Variants in TAS2R1 observed in about 807,000 individuals in gnomAD.
The protein encoded by TAS2R1 is taste receptor type 2 member 1.
For missense variants in TAS2R1, 370 were observed against 353.4 expected, an observed-to-expected ratio of 1.05 and a Z score of -0.38; for synonymous variants, 141 against 134.2, an observed-to-expected ratio of 1.05 and a Z score of -0.35.
chr5:9,879,632 T>C, the TAS2R1 span, among the ~76,000 whole-genome samples: 1 of 152,212 alleles, frequency 6.6e-6, no homozygotes, highest in South Asian at 2.1e-4. Context: ...TTAATTTTTA[T>C]AATAACCCCC....
At chr5:9,808,506 T>C in the TAS2R1 span, among the ~76,000 whole-genome samples, 3 of 152,164 alleles carry the variant, frequency 2.0e-5, no homozygotes, top group Non-Finnish European at 4.4e-5. Flanking sequence ...CCTATCCATA[T>C]TTTTAAAAAA....
intron 2 of TAS2R1, among the ~76,000 whole-genome samples, chr5:9,657,016 CAT>C (rs1048838145): frequency 9.2e-5 from 14 of 151,964 alleles, no homozygotes; most frequent in African/African-American, 2.9e-4. Context: ...GATATAAAAA[CAT>C]ATTCACAATA....
the TAS2R1 span, among the ~76,000 whole-genome samples, chr5:9,758,200 T>C: frequency 6.6e-6 from 1 of 152,174 alleles, no homozygotes; most frequent in Admixed American, 6.5e-5. Flanking sequence ...TTCATCTCTA[T>C]AAGTAATTAG....
intron 1 of TAS2R1, among the ~76,000 whole-genome samples, chr5:9,671,090 A>G (rs1362823529): frequency 1.3e-5 from 2 of 152,228 alleles, no homozygotes; most frequent in African/African-American, 4.8e-5. Context: ...AAAATTCAGC[A>G]TCACTTCATG....
At chr5:9,795,279 G>A in the TAS2R1 span, among the ~76,000 whole-genome samples, 2 of 152,172 alleles carry the variant, frequency 1.3e-5, no homozygotes, top group Non-Finnish European at 2.9e-5. Context: ...ACATCATGAT[G>A]AAGTGTCCTT....
intron 2 of TAS2R1, among the ~76,000 whole-genome samples, chr5:9,651,153 C>T (rs1365640433): frequency 6.6e-6 from 1 of 152,138 alleles, no homozygotes; most frequent in Non-Finnish European, 1.5e-5. Flanking sequence ...AAAAATTGAA[C>T]ATATTCTGTC....
chr5:9,851,147 G>C, the TAS2R1 span, among the ~76,000 whole-genome samples: 803 of 152,202 alleles, frequency 5.3e-3, 7 homozygotes, highest in African/African-American at 0.019. Flanking sequence ...CCACACACAG[G>C]TAAGAGTAAA....
chr5:9,711,918 G>C (rs949989151), intron 1 of TAS2R1, among the ~76,000 whole-genome samples: 1 of 151,226 alleles, frequency 6.6e-6, no homozygotes, highest in African/African-American at 2.4e-5. Context: ...CACCCACCTC[G>C]GCCTCCTGAA....
the TAS2R1 span, among the ~76,000 whole-genome samples, chr5:9,832,333 AAAAC>A: frequency 6.6e-6 from 1 of 152,238 alleles, no homozygotes; most frequent in African/African-American, 2.4e-5. Context: ...GTCACTCATC[AAAAC>A]ATGCTGGTGA....
chr5:9,888,834 G>A, the TAS2R1 span, among the ~76,000 whole-genome samples: 3 of 152,270 alleles, frequency 2.0e-5, no homozygotes, highest in African/African-American at 7.2e-5. Context: ...AGCAGTGAGA[G>A]GAGCCCAAGC....
chr5:9,688,998 G>A (rs941164791), intron 1 of TAS2R1, among the ~76,000 whole-genome samples: 5 of 152,084 alleles, frequency 3.3e-5, no homozygotes, highest in African/African-American at 1.2e-4. Context: ...CGACCATCAC[G>A]GCATCAGCAC....
chr5:9,812,397 C>T, the TAS2R1 span, among the ~76,000 whole-genome samples: 1 of 151,686 alleles, frequency 6.6e-6, no homozygotes, highest in Admixed American at 6.6e-5. Flanking sequence ...ATGTGTTGAG[C>T]TTGGAGGACA....
At chr5:9,721,075 A>G in the TAS2R1 span, among the ~76,000 whole-genome samples, 231 of 152,358 alleles carry the variant, frequency 1.5e-3, no homozygotes, top group African/African-American at 5.2e-3. Context: ...CAACCTGCTT[A>G]CCTATATAAA....
At position 9,710,617 on chromosome 5, in the gene TAS2R1, A is replaced by C. The variant is rs577534916; in HGVS notation, c.-242+1555T>G. On this transcript the variant is annotated intron_variant, in intron 1 of 2. Transcript: ENST00000506620. ...ATAGAATGGGAGAAAATATTTGCAA[A>C]TCATACATCTGATAAGAGGCTAATA... is the stretch of plus-strand genomic sequence containing the variant. Among the ~76,000 whole-genome samples the C allele has an allele frequency of 2.0e-5, 3 of 152,262 alleles. No individual in the cohort carries two copies. The East Asian group carries it at 5.8e-4, about 29-fold the overall frequency.
chr5:9,736,618 C>T, the TAS2R1 span, among the ~76,000 whole-genome samples: 37 of 152,320 alleles, frequency 2.4e-4, no homozygotes, highest in Non-Finnish European at 4.0e-4. Flanking sequence ...GCAAAACCCA[C>T]TTCCTAATTG....
the TAS2R1 span, among the ~76,000 whole-genome samples, chr5:9,844,831 G>C: frequency 6.6e-6 from 1 of 152,198 alleles, no homozygotes; most frequent in Non-Finnish European, 1.5e-5. Context: ...CAGGATGAAA[G>C]AGAGTCTGAG....
the TAS2R1 span, among the ~76,000 whole-genome samples, chr5:9,722,101 C>T: frequency 2.0e-5 from 3 of 152,154 alleles, no homozygotes; most frequent in African/African-American, 7.2e-5. Context: ...ATTTTGTAAA[C>T]CTAAGGGTAA....
At chr5:9,698,464 T>C (rs1386385727) in intron 1 of TAS2R1, among the ~76,000 whole-genome samples, 1 of 152,210 alleles carries the variant, frequency 6.6e-6, no homozygotes, top group East Asian at 1.9e-4. Flanking sequence ...TCCTGAGCGA[T>C]ATTTTTCAAT....
chr5:9,698,218 A>T (rs185918119), intron 1 of TAS2R1, among the ~76,000 whole-genome samples: 165 of 152,310 alleles, frequency 1.1e-3, no homozygotes, highest in Non-Finnish European at 2.0e-3. Context: ...CATTTTCCTC[A>T]GTGAATATGT....
Sources: gnomAD v4.1 joint callset for allele counts (sites outside exome capture counted in the v4.1 genomes callset) on GRCh38, gnomAD v4.1.1 for gene constraint, MANE v1.5 for transcripts, NCBI Gene and HGNC (gene_info 2026-07-23, HGNC 2026-07-21) for gene names.